Variants in PARD3B observed in about 807,000 individuals in gnomAD.
PARD3B encodes the protein par-3 family cell polarity regulator beta, also known as partitioning defective 3 homolog B.
A neutral mutation model predicts 130.2 loss-of-function variants in PARD3B; 103 were observed. That is an observed-to-expected ratio of 0.79 (90% CI 0.67 to 0.93). PARD3B has a LOEUF of 0.93. Ranked by LOEUF, PARD3B falls within the 40% of genes least tolerant of loss-of-function variation. The probability of loss-of-function intolerance (pLI) is 0.00; values close to 1 mark genes in which losing one functional copy is unlikely to be tolerated. For synonymous variants in PARD3B, 583 were observed against 553.2 expected (o/e 1.05, Z -0.76); for missense variants, 1,609 against 1,499.2 (o/e 1.07, Z -1.21).
intron 18 of PARD3B, among the ~76,000 whole-genome samples, chr2:205,373,034 T>A (rs999543208): frequency 7.9e-5 from 12 of 152,200 alleles, no homozygotes; most frequent in African/African-American, 2.9e-4. Flanking sequence ...CTTCAAAAAC[T>A]AAACTTTTAG....
At chr2:205,093,245 C>G (rs1190377045) in intron 4 of PARD3B, among the ~76,000 whole-genome samples, 1 of 152,058 alleles carries the variant, frequency 6.6e-6, no homozygotes, top group Non-Finnish European at 1.5e-5. Context: ...GGAAAAGGAA[C>G]AGATTTGTTT....
intron 2 of PARD3B, among the ~76,000 whole-genome samples, chr2:204,819,857 C>G (rs960056503): frequency 6.6e-6 from 1 of 152,090 alleles, no homozygotes; most frequent in South Asian, 2.1e-4. Context: ...CCCTGACTCT[C>G]TTCAGTTTAA....
chr2:205,104,450 A>G lies in PARD3B; in HGVS notation c.529A>G (p.Arg177Gly). 6.2e-7 allele frequency: 1 copy of G among 1,602,388 alleles called. No individual in the cohort carries two copies. Among genetic ancestry groups the G allele is most frequent in the Non-Finnish European group, 8.6e-7 (1 of 1,169,482 alleles). ...VPDSTQNLED[R>G]EVLNGVQTEL... ...GGATTCCACGCAGAACTTGGAAGAC[A>G]GAGAAGTTTTGAATGGTGTACAGAC... Residue 177 changes from arginine (R) to glycine (G), a missense_variant, in exon 5 of 23, where the codon AGA becomes GGA. Transcript: ENST00000406610.
intron 18 of PARD3B, among the ~76,000 whole-genome samples, chr2:205,386,982 G>A (rs1174166411): frequency 3.9e-5 from 6 of 152,092 alleles, no homozygotes; most frequent in Non-Finnish European, 1.5e-5. Flanking sequence ...CACAGAGGTA[G>A]ATAATTAAAC....
intron 2 of PARD3B, among the ~76,000 whole-genome samples, chr2:204,948,229 C>T (rs1689489552): frequency 6.6e-6 from 1 of 152,170 alleles, no homozygotes; most frequent in Non-Finnish European, 1.5e-5. Flanking sequence ...CTTCCATGGT[C>T]ACAGACCACT....
intron 20 of PARD3B, among the ~76,000 whole-genome samples, chr2:205,452,079 T>C (rs2048123050): frequency 6.6e-6 from 1 of 152,172 alleles, no homozygotes. Flanking sequence ...CAATGAGGGA[T>C]AGAAAAAGCA....
intron 5 of PARD3B, among the ~76,000 whole-genome samples, chr2:205,110,528 T>C (rs1401224113): frequency 6.6e-6 from 1 of 152,180 alleles, no homozygotes; most frequent in Non-Finnish European, 1.5e-5. Flanking sequence ...TCTTAGAAAG[T>C]TGTATAAAGA....
intron 15 of PARD3B, among the ~76,000 whole-genome samples, chr2:205,197,070 T>A (rs1284299920): frequency 6.6e-6 from 1 of 150,416 alleles, no homozygotes; most frequent in African/African-American, 2.4e-5. Flanking sequence ...TGTGTGTGTG[T>A]GTGTGAGAGA....
At chr2:204,595,228 A>T (rs1055431855) in intron 1 of PARD3B, among the ~76,000 whole-genome samples, 1 of 152,042 alleles carries the variant, frequency 6.6e-6, no homozygotes, top group African/African-American at 2.4e-5. Context: ...AGCAAAGTCT[A>T]CTCCATCCTC....
Position 205,418,084 on chromosome 2 carries a change from T to G in PARD3B, c.2741+16961T>G, listed in dbSNP as rs575608729. ...TCACTTCAGTGGAATAGTTCCCAAT[T>G]TCAGGCCTAAAAGCTTATAAGAAAA... On this transcript the variant is annotated intron_variant, in intron 19 of 22. Transcript: ENST00000406610. Among the ~76,000 whole-genome samples, 226 of 152,318 alleles carry G rather than the reference T, an allele frequency of 1.5e-3. 1 individual carries two copies. The highest frequency in any genetic ancestry group is 5.1e-3 in the African/African-American group (211 of 41,582).
chr2:205,537,153 C>G (rs950065961), intron 21 of PARD3B, among the ~76,000 whole-genome samples: 1 of 152,134 alleles, frequency 6.6e-6, no homozygotes, highest in Non-Finnish European at 1.5e-5. Flanking sequence ...AATTCTCCAA[C>G]TGAGCCCACT....
At chr2:205,270,737 T>C (rs371040199) in intron 16 of PARD3B, among the ~76,000 whole-genome samples, 1 of 152,128 alleles carries the variant, frequency 6.6e-6, no homozygotes, top group South Asian at 2.1e-4. Context: ...TCTGATTCTC[T>C]GGGATTCTTC....
chr2:205,157,614 G>T (rs545869320), intron 10 of PARD3B, among the ~76,000 whole-genome samples: 47 of 152,180 alleles, frequency 3.1e-4, no homozygotes, highest in Non-Finnish European at 3.4e-4. Flanking sequence ...CTGACATTCA[G>T]ACATTCATAG....
At chr2:204,729,062 G>C (rs1265575789) in intron 2 of PARD3B, among the ~76,000 whole-genome samples, 1 of 152,196 alleles carries the variant, frequency 6.6e-6, no homozygotes, top group African/African-American at 2.4e-5. Context: ...GAATCTTGGT[G>C]AGTTCTCATG....
intron 16 of PARD3B, among the ~76,000 whole-genome samples, chr2:205,275,617 G>A (rs933709333): frequency 2.0e-5 from 3 of 151,932 alleles, no homozygotes; most frequent in Non-Finnish European, 4.4e-5. Flanking sequence ...AGGTGGATCA[G>A]CTGACGTCAG....
intron 10 of PARD3B, among the ~76,000 whole-genome samples, chr2:205,153,620 G>A (rs1324001658): frequency 2.6e-5 from 4 of 152,066 alleles, no homozygotes; most frequent in African/African-American, 4.8e-5. Flanking sequence ...AAAGCTAGAG[G>A]CATCACGCTA....
intron 2 of PARD3B, among the ~76,000 whole-genome samples, chr2:204,819,035 C>G (rs551597112): frequency 6.6e-6 from 1 of 152,142 alleles, no homozygotes; most frequent in African/African-American, 2.4e-5. Context: ...AGCATGAACT[C>G]ATGTTTAGCT....
rs755570882 is a variant in PARD3B at position 205,217,894 on chromosome 2, A to ATTTT, written c.2140+24582_2140+24585dup. 7.4e-4 allele frequency among the ~76,000 whole-genome samples: 23 copies of ATTTT among 31,064 alleles called. 1 individual carries two copies. Among genetic ancestry groups the ATTTT allele is most frequent in the African/African-American group, 2.2e-3 (17 of 7,796 alleles). The allele number at this position is 31,064 out of a possible 152,430, so 20.4% of individuals were successfully genotyped here. On this transcript the variant is annotated intron_variant, in intron 15 of 22. Coordinates refer to ENST00000406610, the MANE Select transcript of PARD3B (RefSeq NM_001302769.2). ...TATATATATATATATATATATATAT[A>ATTTT]TTTTTTTTTTTATTTTTTTGAGATG...
chr2:205,585,087 G>C lies in PARD3B; in HGVS notation c.3261-30369G>C, dbSNP rs1394336446. Among the ~76,000 whole-genome samples, 1 of 152,208 alleles carries C rather than the reference G, an allele frequency of 6.6e-6. No homozygotes were observed. Among genetic ancestry groups the C allele is most frequent in the Admixed American group, 6.5e-5 (1 of 15,282 alleles). On this transcript the variant is annotated intron_variant, in intron 22 of 22. Coordinates refer to ENST00000406610, the MANE Select transcript of PARD3B (RefSeq NM_001302769.2). This position sits in a 1 kb window ranked among gnomAD's most constrained non-coding sequence, Gnocchi z 5.4. The stretch of plus-strand genomic sequence containing the variant: ...ACCAACCAAAATGGAGGCCTGGATA[G>C]TGGAGGCGTGAAAATAGATCCTTCG...
Sources: gnomAD v4.1 joint callset for allele counts (sites outside exome capture counted in the v4.1 genomes callset) on GRCh38, gnomAD v4.1.1 for gene constraint, Gnocchi (gnomAD v3.1) non-coding constraint, MANE v1.5 for transcripts, NCBI Gene and HGNC (gene_info 2026-07-23, HGNC 2026-07-21) for gene names.